The following FBXL13 variants were observed in gnomAD, a reference collection of about 807,000 sequenced individuals.
The protein encoded by FBXL13 is F-box and leucine-rich repeat protein 13.
In FBXL13, 67 loss-of-function variants were observed where a neutral mutation model predicts 83.6. The ratio of observed to expected loss-of-function variants is 0.80; its 90% CI spans 0.66 to 0.98. The LOEUF (loss-of-function observed/expected upper bound fraction) is 0.98, where lower values mean the gene tolerates loss of function less well. FBXL13 is among the 50% of genes least tolerant of loss of function. The probability of loss-of-function intolerance (pLI) is 0.00; values close to 1 mark genes in which losing one functional copy is unlikely to be tolerated. For missense variants in FBXL13, 822 were observed against 866.5 expected (o/e 0.95, Z 0.64); for synonymous variants, 272 against 299.5 (o/e 0.91, Z 0.95).
intron 2 of FBXL13, among the ~76,000 whole-genome samples, chr7:103,041,941 C>T (rs1795757077): frequency 6.6e-6 from 1 of 152,170 alleles, no homozygotes; most frequent in African/African-American, 2.4e-5. Flanking sequence ...CTCAATACTC[C>T]TATTCAACAT....
chr7:102,903,138 C>G lies in FBXL13; in HGVS notation c.1008+9948G>C, dbSNP rs1296122685. Among the ~76,000 whole-genome samples, 8 of 151,992 alleles carry G rather than the reference C, an allele frequency of 5.3e-5. No individual in the cohort carries two copies. The East Asian group carries it at 1.5e-3, about 29-fold the overall frequency. ...TAGTTTTCATTATAGACCTCTTTTACTTTTTTGGTTAATTCCTAGTTATTT... is the reference window on the plus strand; with the variant it reads ...TAGTTTTCATTATAGACCTCTTTTAGTTTTTTGGTTAATTCCTAGTTATTT... On this transcript the variant is annotated intron_variant, in intron 11 of 19. Transcript: ENST00000313221.
intron 2 of FBXL13, among the ~76,000 whole-genome samples, chr7:103,047,831 C>T (rs1217284540): frequency 6.6e-6 from 1 of 152,054 alleles, no homozygotes; most frequent in Non-Finnish European, 1.5e-5. Flanking sequence ...AGTAGCTGGG[C>T]TTACAGGCAC....
At chr7:102,862,823 C>T (rs897557430) in intron 16 of FBXL13, among the ~76,000 whole-genome samples, 1 of 152,234 alleles carries the variant, frequency 6.6e-6, no homozygotes, top group Admixed American at 6.5e-5. Context: ...TCTCCACCTA[C>T]TTCTCTGGAT....
chr7:102,876,679 C>T (rs1809318217), intron 16 of FBXL13, among the ~76,000 whole-genome samples: 1 of 152,072 alleles, frequency 6.6e-6, no homozygotes, highest in South Asian at 2.1e-4. Flanking sequence ...CAAGGTAGGG[C>T]TTCTCAGAGA....
intron 10 of FBXL13, among the ~76,000 whole-genome samples, chr7:102,925,061 C>T (rs1479039712): frequency 6.6e-6 from 1 of 152,162 alleles, no homozygotes; most frequent in African/African-American, 2.4e-5. Context: ...TGAATCTCTC[C>T]TAGTGTGATC....
intron 9 of FBXL13, among the ~76,000 whole-genome samples, chr7:102,927,867 T>C (rs947996787): frequency 6.6e-6 from 1 of 152,212 alleles, no homozygotes; most frequent in African/African-American, 2.4e-5. Context: ...TTCAACACAA[T>C]GAAAATCTGT....
chr7:102,858,258 TTG>T, intron 16 of FBXL13, among the ~76,000 whole-genome samples: 1 of 152,150 alleles, frequency 6.6e-6, no homozygotes, highest in Middle Eastern at 3.4e-3. Flanking sequence ...TAGAGTACAA[TTG>T]TGGGAATTAG....
At chr7:102,851,158 T>C (rs892511823) in intron 17 of FBXL13, among the ~76,000 whole-genome samples, 1 of 152,160 alleles carries the variant, frequency 6.6e-6, no homozygotes, top group African/African-American at 2.4e-5. Context: ...ATTAGGGAGT[T>C]GCTTTAGATG....
At chr7:102,833,348 G>A (rs1298275255) in intron 17 of FBXL13, among the ~76,000 whole-genome samples, 1 of 151,954 alleles carries the variant, frequency 6.6e-6, no homozygotes, top group East Asian at 1.9e-4. Context: ...AGATTCTTTG[G>A]AATCAGACAG....
chr7:103,014,678 C>A (rs1334250540), intron 6 of FBXL13, among the ~76,000 whole-genome samples: 1 of 152,082 alleles, frequency 6.6e-6, no homozygotes, highest in Non-Finnish European at 1.5e-5. Context: ...ACTCCCAGCA[C>A]TTTGGGAGGC....
chr7:102,872,195 C>G (rs1290322770), intron 16 of FBXL13, among the ~76,000 whole-genome samples: 1 of 152,192 alleles, frequency 6.6e-6, no homozygotes, highest in Non-Finnish European at 1.5e-5. Flanking sequence ...CTCTCCTCAC[C>G]TCTATCACTA....
intron 7 of FBXL13, among the ~76,000 whole-genome samples, chr7:102,965,575 A>G (rs1585164522): frequency 6.6e-6 from 1 of 152,380 alleles, no homozygotes; most frequent in South Asian, 2.1e-4. Context: ...GTCTGCATGC[A>G]TGCAGAAACA....
chr7:102,838,193 T>G (rs1269158751), intron 17 of FBXL13, among the ~76,000 whole-genome samples: 1 of 152,178 alleles, frequency 6.6e-6, no homozygotes, highest in Non-Finnish European at 1.5e-5. Flanking sequence ...TGTCTCTGGA[T>G]AAGTTACTCA....
chr7:102,917,963 C>G (rs1816228379), intron 10 of FBXL13, among the ~76,000 whole-genome samples: 1 of 152,046 alleles, frequency 6.6e-6, no homozygotes, highest in Admixed American at 6.5e-5. Flanking sequence ...TGAACAAGTC[C>G]CCAAAGAAGT....
At chr7:102,834,073 G>A (rs371815030) in intron 17 of FBXL13, among the ~76,000 whole-genome samples, 1 of 111,704 alleles carries the variant, frequency 9.0e-6, no homozygotes, top group East Asian at 3.6e-4. Context: ...AGGAAGGAAG[G>A]AAGGAAGGAA....
intron 17 of FBXL13, among the ~76,000 whole-genome samples, chr7:102,851,439 C>CCCTCCTTCCCTCCCTCTCCCTT (rs1805209223): frequency 6.7e-6 from 1 of 149,048 alleles, no homozygotes; most frequent in South Asian, 2.1e-4. Flanking sequence ...TCTCTTTCTT[C>CCCTCCTTCCCTCCCTCTCCCTT]CCTCCTTCCT....
rs530113349 is a variant in FBXL13, at chr7:103,037,586, CTT to C, written c.1-8170_1-8169del. 1.1e-3 allele frequency among the ~76,000 whole-genome samples: 161 copies of C among 152,060 alleles called. 1 individual carries two copies. The highest frequency in any genetic ancestry group is 3.7e-3 in the African/African-American group (155 of 41,476). ...TTGGGAGGCTGAGGTAGGAAGATCT[CTT>C]GAGGCCAGGAGTTTGAGACCAGCTG... is the stretch of plus-strand genomic sequence containing the variant. On this transcript the variant is annotated intron_variant, in intron 2 of 19. Coordinates refer to ENST00000313221, the Ensembl canonical transcript of FBXL13.
At chr7:103,063,175 T>C (rs80170850) in intron 1 of FBXL13, among the ~76,000 whole-genome samples, 1,671 of 152,340 alleles carry the variant, frequency 0.011, 35 homozygotes, top group African/African-American at 0.039. Context: ...ACCTTTCCTA[T>C]GCAGGTTGGC....
intron 11 of FBXL13, among the ~76,000 whole-genome samples, chr7:102,904,721 T>A (rs1584862680): frequency 6.6e-6 from 1 of 152,192 alleles, no homozygotes; most frequent in East Asian, 1.9e-4. Context: ...TATTTATAGT[T>A]TTTCCTCTTT....
Sources: gnomAD v4.1 joint callset for allele counts (sites outside exome capture counted in the v4.1 genomes callset) on GRCh38, gnomAD v4.1.1 for gene constraint, MANE v1.5 for transcripts, NCBI Gene and HGNC (gene_info 2026-07-23, HGNC 2026-07-21) for gene names.